KCNH7: variants seen among roughly 807,000 people sequenced by gnomAD.
KCNH7 encodes potassium voltage-gated channel subfamily H member 7.
A neutral mutation model predicts 120.8 loss-of-function variants in KCNH7; 49 were observed. The observed-to-expected ratio is 0.41, with a 90% CI of 0.32 to 0.51. The LOEUF (loss-of-function observed/expected upper bound fraction) is 0.51, where lower values mean the gene tolerates loss of function less well. Among genes scored for constraint, KCNH7 ranks in the 20% least tolerant of loss-of-function variants. The pLI is 0.38. For synonymous variants in KCNH7, 547 were observed against 516.1 expected, an observed-to-expected ratio of 1.06 and a Z score of -0.81; for missense variants, 1,097 against 1,446.6, an observed-to-expected ratio of 0.76 and a Z score of 3.92.
Position 162,769,807 on chromosome 2 carries a change from G to T in KCNH7, c.307+66730C>A, listed in dbSNP as rs116895286. Among the ~76,000 whole-genome samples, 227 of 152,074 alleles carry T rather than the reference G, an allele frequency of 1.5e-3. 4 individuals carry two copies. In the East Asian group the frequency reaches 0.037, roughly 25 times the overall value. The stretch of plus-strand genomic sequence containing the variant: ...GTTTTGAAGCAAAACATTAAAAACG[G>T]CATCTGCAGGTTGAACAGTCAAATT... On this transcript the variant is annotated intron_variant, in intron 2 of 15. Transcript: ENST00000332142.
At chr2:162,655,869 A>G (rs1223186085) in intron 2 of KCNH7, among the ~76,000 whole-genome samples, 1 of 152,204 alleles carries the variant, frequency 6.6e-6, no homozygotes, top group Admixed American at 6.5e-5. Context: ...AGTTCCTGAT[A>G]CATCGATAGT....
chr2:162,566,557 T>C (rs1316408255), intron 2 of KCNH7, among the ~76,000 whole-genome samples: 3 of 152,072 alleles, frequency 2.0e-5, no homozygotes, highest in Non-Finnish European at 4.4e-5. Context: ...ATTTACCATC[T>C]CATGTAGACA....
At chr2:162,736,241 C>T (rs1687906169) in intron 2 of KCNH7, among the ~76,000 whole-genome samples, 1 of 152,004 alleles carries the variant, frequency 6.6e-6, no homozygotes, top group South Asian at 2.1e-4. Flanking sequence ...CAATGAGTTG[C>T]TTTTTGAATA....
intron 2 of KCNH7, among the ~76,000 whole-genome samples, chr2:162,647,540 G>A (rs1204009198): frequency 6.6e-6 from 1 of 152,122 alleles, no homozygotes; most frequent in Non-Finnish European, 1.5e-5. Flanking sequence ...AGGGCCAGGT[G>A]GAGATAATTG....
chr2:162,561,343 C>G (rs1693057543), intron 2 of KCNH7, among the ~76,000 whole-genome samples: 1 of 152,012 alleles, frequency 6.6e-6, no homozygotes, highest in Non-Finnish European at 1.5e-5. Flanking sequence ...TTCTTTAAAC[C>G]AGTTTTTTAA....
intron 2 of KCNH7, among the ~76,000 whole-genome samples, chr2:162,674,466 C>A (rs546741724): frequency 1.3e-5 from 2 of 151,666 alleles, no homozygotes; most frequent in African/African-American, 4.8e-5. Flanking sequence ...AAAACCCTAA[C>A]AAGTGTTCTT....
At chr2:162,663,383 GCTTT>G (rs1685033557) in intron 2 of KCNH7, among the ~76,000 whole-genome samples, 1 of 152,018 alleles carries the variant, frequency 6.6e-6, no homozygotes, top group Admixed American at 6.6e-5. Flanking sequence ...TTCATATTTA[GCTTT>G]ATTTGAGGAT....
intron 8 of KCNH7, 75 bp downstream of exon 8, chr2:162,435,123 C>G: frequency 7.4e-7 from 1 of 1,351,232 alleles, no homozygotes; most frequent in Admixed American, 2.2e-5. Context: ...CTTTGCCTTA[C>G]TCTAAATATT....
intron 9 of KCNH7, among the ~76,000 whole-genome samples, chr2:162,419,865 A>G (rs1454916849): frequency 1.3e-5 from 2 of 152,148 alleles, no homozygotes; most frequent in Non-Finnish European, 2.9e-5. Flanking sequence ...TGTAACTAAA[A>G]CAGTGTTAGG....
intron 6 of KCNH7, among the ~76,000 whole-genome samples, chr2:162,458,025 T>C (rs960212928): frequency 2.0e-5 from 3 of 151,990 alleles, no homozygotes; most frequent in African/African-American, 7.2e-5. Flanking sequence ...ATATTAAAAT[T>C]AGGTAGTAGA....
intron 2 of KCNH7, among the ~76,000 whole-genome samples, chr2:162,587,682 A>G (rs1402319204): frequency 1.3e-5 from 2 of 152,142 alleles, no homozygotes; most frequent in South Asian, 4.1e-4. Flanking sequence ...TCGAGAAAAG[A>G]CACTAGTGTG....
chr2:162,772,815 G>A (rs553577804), intron 2 of KCNH7, among the ~76,000 whole-genome samples: 2 of 152,266 alleles, frequency 1.3e-5, no homozygotes, highest in African/African-American at 4.8e-5. Context: ...GTGTACCAAT[G>A]TGAATATGAT....
chr2:162,558,374 C>T (rs1486104048), intron 2 of KCNH7, among the ~76,000 whole-genome samples: 1 of 152,052 alleles, frequency 6.6e-6, no homozygotes, highest in Non-Finnish European at 1.5e-5. Context: ...CGGGGTTTCA[C>T]CATCTTAGCC....
intron 8 of KCNH7, among the ~76,000 whole-genome samples, chr2:162,429,071 A>G (rs967599962): frequency 6.6e-6 from 1 of 151,684 alleles, no homozygotes; most frequent in Non-Finnish European, 1.5e-5. Flanking sequence ...TATTTCCTAC[A>G]ATATTTTACA....
chr2:162,475,214 G>C (rs1689695907), intron 6 of KCNH7, among the ~76,000 whole-genome samples: 1 of 152,160 alleles, frequency 6.6e-6, no homozygotes, highest in Admixed American at 6.5e-5. Context: ...ACTGTTTAAA[G>C]ATGCCATTTA....
intron 3 of KCNH7, among the ~76,000 whole-genome samples, chr2:162,531,697 T>C (rs1691930509): frequency 1.3e-5 from 2 of 151,960 alleles, no homozygotes; most frequent in Non-Finnish European, 2.9e-5. Flanking sequence ...GTAATTCTGA[T>C]AGAGTTTTCT....
intron 2 of KCNH7, among the ~76,000 whole-genome samples, chr2:162,574,624 T>C (rs982712027): frequency 2.6e-5 from 4 of 152,102 alleles, no homozygotes; most frequent in Non-Finnish European, 5.9e-5. Flanking sequence ...TGGCACTTTC[T>C]AGAAGAACAA....
intron 2 of KCNH7, among the ~76,000 whole-genome samples, chr2:162,617,248 G>A (rs749111425): frequency 1.7e-4 from 26 of 152,142 alleles, no homozygotes; most frequent in Non-Finnish European, 2.9e-4. Flanking sequence ...GGGAGGCCGA[G>A]GTGGGCAGAT....
intron 2 of KCNH7, among the ~76,000 whole-genome samples, chr2:162,726,026 C>A (rs967350025): frequency 6.6e-6 from 1 of 152,114 alleles, no homozygotes; most frequent in African/African-American, 2.4e-5. Context: ...ACAAAAATTT[C>A]TCTGATTTTT....
Sources: allele counts gnomAD v4.1 joint callset (sites outside exome capture counted in the v4.1 genomes callset), GRCh38; gene constraint gnomAD v4.1.1; transcripts MANE v1.5; gene names NCBI Gene and HGNC (gene_info 2026-07-23, HGNC 2026-07-21).